Variants in CDIN1 observed in about 807,000 individuals in gnomAD.
The protein encoded by CDIN1 is CDAN1-interacting nuclease 1.
A neutral mutation model predicts 45.3 loss-of-function variants in CDIN1; 33 were observed. The observed-to-expected ratio is 0.73, with a 90% confidence interval of 0.55 to 0.97. CDIN1 has a LOEUF of 0.97. Ranked by LOEUF, CDIN1 falls within the 50% of genes least tolerant of loss-of-function variation. The pLI is 0.00. For synonymous variants in CDIN1, 118 were observed against 124.4 expected, an observed-to-expected ratio of 0.95 and a Z score of 0.34; for missense variants, 303 against 339.4, an observed-to-expected ratio of 0.89 and a Z score of 0.84.
intron 10 of CDIN1, among the ~76,000 whole-genome samples, chr15:36,744,896 C>T (rs529294317): frequency 6.7e-4 from 102 of 152,280 alleles, no homozygotes; most frequent in African/African-American, 2.2e-3. Flanking sequence ...GACCTGAATA[C>T]TGCCATGTCT....
chr15:36,667,548 A>G (rs2041293353), intron 5 of CDIN1, among the ~76,000 whole-genome samples: 2 of 152,166 alleles, frequency 1.3e-5, no homozygotes, highest in Admixed American at 6.5e-5. Flanking sequence ...ATCTAAAAGG[A>G]AGTCTATTAC....
Position 36,691,595 on chromosome 15 carries a change from G to T in CDIN1, c.347-90G>T, listed in dbSNP as rs924526034. On this transcript the variant is annotated intron_variant, in intron 5 of 10. Transcript: ENST00000566621. ...TGCCAGTCATATTTTTGTTTTCATG[G>T]TTTGTGTATATGTAGATATATGTCA... The T allele has an allele frequency of 4.6e-5, 34 of 736,720 alleles. No individual in the cohort carries two copies. The African/African-American group carries it at 5.8e-4, about 13-fold the overall frequency. The allele number at this position is 736,720 out of a possible 1,614,324, so 45.6% of individuals were successfully genotyped here. A position where few individuals can be genotyped will look rare whatever the true frequency, so the allele number is the denominator to read the frequency against.
chr15:36,595,267 G>A lies in CDIN1; in HGVS notation c.101+15306G>A, dbSNP rs573612126. On this transcript the variant is annotated intron_variant, in intron 1 of 10. Coordinates refer to ENST00000566621, the MANE Select transcript of CDIN1 (RefSeq NM_001321759.2). ...CTATTGCCTTGGAAGTTCCTTTGAA[G>A]TGCATTGGCTAATACACTTACATTA... Among the ~76,000 whole-genome samples the A allele has an allele frequency of 1.6e-4, 24 of 147,574 alleles. No homozygotes were observed. The South Asian group carries it at 5.1e-3, about 31-fold the overall frequency.
At chr15:36,786,079 T>G (rs574825682) in intron 10 of CDIN1, among the ~76,000 whole-genome samples, 12 of 152,340 alleles carry the variant, frequency 7.9e-5, no homozygotes, top group African/African-American at 2.4e-4. Context: ...ATACTGACAG[T>G]GTTCATACAC....
chr15:36,653,446 C>G (rs1441346509), intron 3 of CDIN1, among the ~76,000 whole-genome samples: 19 of 83,798 alleles, frequency 2.3e-4, no homozygotes, highest in Non-Finnish European at 4.1e-4. Flanking sequence ...ATGACACATT[C>G]AAATTTTTGT....
intron 10 of CDIN1, among the ~76,000 whole-genome samples, chr15:36,735,441 C>CA (rs1246483549): frequency 6.6e-6 from 1 of 152,002 alleles, no homozygotes; most frequent in African/African-American, 2.4e-5. Context: ...TCTATCATAT[C>CA]AGTTATTTTA....
At chr15:36,591,153 T>C (rs2037553245) in intron 1 of CDIN1, among the ~76,000 whole-genome samples, 2 of 152,204 alleles carry the variant, frequency 1.3e-5, no homozygotes, top group Non-Finnish European at 2.9e-5. Flanking sequence ...AAGTGGCTTC[T>C]CTTGTGGTTG....
At chr15:36,674,286 C>CGG (rs541304198) in intron 5 of CDIN1, among the ~76,000 whole-genome samples, 2 of 152,158 alleles carry the variant, frequency 1.3e-5, no homozygotes, top group Non-Finnish European at 2.9e-5. Context: ...TTTATTAGCG[C>CGG]GGGGGTCTCC....
At chr15:36,770,120 C>CTT (rs112087659) in intron 10 of CDIN1, among the ~76,000 whole-genome samples, 3 of 151,998 alleles carry the variant, frequency 2.0e-5, no homozygotes, top group African/African-American at 7.2e-5. Context: ...TTCTCTCTCT[C>CTT]TCTCTCTCTC....
At position 36,613,024 on chromosome 15, in the gene CDIN1, A is replaced by G. The variant is rs2038720919; in HGVS notation, c.102-31254A>G. On this transcript the variant is annotated intron_variant, in intron 1 of 10. Transcript: ENST00000566621. ...TTGTTCTGTATTTGATATAGTCAAAATTTCTAAGACTTAATTAGGAGCACA... is the reference window on the plus strand; with the variant it reads ...TTGTTCTGTATTTGATATAGTCAAAGTTTCTAAGACTTAATTAGGAGCACA... 2.0e-5 allele frequency among the ~76,000 whole-genome samples: 3 copies of G among 152,236 alleles called. No homozygotes were observed. The South Asian group carries it at 6.2e-4, about 32-fold the overall frequency.
At chr15:36,627,411 C>A in intron 1 of CDIN1, 1 of 158,630 alleles carries the variant, frequency 6.3e-6, no homozygotes. Flanking sequence ...GAGATCACCT[C>A]CAGGATGAAG....
rs542498345 is a variant in CDIN1, at chr15:36,769,373, C to T, written c.717-38951C>T. 6.3e-4 allele frequency among the ~76,000 whole-genome samples: 96 copies of T among 152,206 alleles called. 3 individuals carry two copies. In the South Asian group the frequency reaches 0.018, roughly 29 times the overall value. On this transcript the variant is annotated intron_variant, in intron 10 of 10. Transcript: ENST00000566621. Reference sequence around the variant, plus strand: ...TCCTAAATCTGTAGGGCAGGCCAGCCGCCTAGAAACTCAAGCAGGATTTCT... The same window carrying T: ...TCCTAAATCTGTAGGGCAGGCCAGCTGCCTAGAAACTCAAGCAGGATTTCT...
intron 10 of CDIN1, among the ~76,000 whole-genome samples, chr15:36,793,858 A>G (rs2054713299): frequency 6.6e-6 from 1 of 152,076 alleles, no homozygotes; most frequent in South Asian, 2.1e-4. Flanking sequence ...TCAGTGTCCC[A>G]ATGCTTTTCC....
At chr15:36,733,784 CAT>C (rs1423789629) in intron 10 of CDIN1, among the ~76,000 whole-genome samples, 1 of 152,086 alleles carries the variant, frequency 6.6e-6, no homozygotes, top group Non-Finnish European at 1.5e-5. Context: ...AGTCTTTTCG[CAT>C]ATGATCTTTC....
intron 1 of CDIN1, chr15:36,617,041 C>T (rs1396709792): frequency 5.3e-6 from 4 of 752,610 alleles, no homozygotes; most frequent in Non-Finnish European, 7.4e-6. Context: ...GCCTGTGAGC[C>T]AGTTAGAGTT....
intron 10 of CDIN1, among the ~76,000 whole-genome samples, chr15:36,782,173 A>T (rs1164737847): frequency 1.3e-5 from 2 of 152,160 alleles, no homozygotes; most frequent in Admixed American, 1.3e-4. Flanking sequence ...AAATTCCCCC[A>T]ATAAAAGTAA....
intron 5 of CDIN1, among the ~76,000 whole-genome samples, chr15:36,676,305 G>A (rs1184830924): frequency 6.6e-6 from 1 of 152,000 alleles, no homozygotes; most frequent in Non-Finnish European, 1.5e-5. Flanking sequence ...ACACACTTTT[G>A]TGCCCCCTTT....
At chr15:36,723,893 G>T (rs750530792) in intron 10 of CDIN1, among the ~76,000 whole-genome samples, 5 of 152,210 alleles carry the variant, frequency 3.3e-5, no homozygotes, top group Non-Finnish European at 5.9e-5. Context: ...CTTGCCTTCA[G>T]TGAATTTAAT....
At chr15:36,689,059 A>G (rs1402454609) in intron 5 of CDIN1, among the ~76,000 whole-genome samples, 2 of 152,210 alleles carry the variant, frequency 1.3e-5, no homozygotes, top group Non-Finnish European at 2.9e-5. Flanking sequence ...TCCATTTAAA[A>G]CAACTGACTT....
Sources: allele counts gnomAD v4.1 joint callset (sites outside exome capture counted in the v4.1 genomes callset), GRCh38; gene constraint gnomAD v4.1.1; transcripts MANE v1.5; gene names NCBI Gene and HGNC (gene_info 2026-07-23, HGNC 2026-07-21).